The following ZDHHC5 variants were observed in gnomAD, a reference collection of about 807,000 sequenced individuals.
The protein encoded by ZDHHC5 is zDHHC palmitoyltransferase 5, also known as palmitoyltransferase ZDHHC5.
Under a neutral mutation model 70.0 loss-of-function variants are expected in ZDHHC5, and 22 were observed. The ratio of observed to expected loss-of-function variants is 0.31; its 90% confidence interval spans 0.22 to 0.45. The LOEUF (loss-of-function observed/expected upper bound fraction) is 0.45. Ranked by LOEUF, ZDHHC5 falls within the 20% of genes least tolerant of loss-of-function variation. ZDHHC5 has a pLI of 1.00. For synonymous variants in ZDHHC5, 313 were observed against 347.8 expected (o/e 0.90, Z 1.11); for missense variants, 746 against 926.9 (o/e 0.80, Z 2.53).
chr11:57,675,191 ACT>A (rs1188935897), intron 2 of ZDHHC5, among the ~76,000 whole-genome samples: 3 of 152,296 alleles, frequency 2.0e-5, no homozygotes, highest in African/African-American at 4.8e-5. Context: ...GACACCCTTA[ACT>A]CTGCTCAATT....
chr11:57,696,887 TAA>T lies in ZDHHC5; in HGVS notation c.1122+15_1122+16del. 1 of 1,612,298 alleles carries T rather than the reference TAA, an allele frequency of 6.2e-7. No homozygotes were observed. The highest frequency in any genetic ancestry group is 1.1e-5 in the South Asian group (1 of 91,000). ...TCCAGCGCCAAGGTACTGAGTACTC[TAA>T]GAGGTGGGGTAATAACATGCCAACT... On this transcript the variant is annotated intron_variant, in intron 10 of 11. Transcript: ENST00000287169.
intron 2 of ZDHHC5, chr11:57,681,473 T>C (rs1285174414): frequency 6.6e-6 from 1 of 152,188 alleles, no homozygotes; most frequent in East Asian, 1.9e-4. Context: ...CTCCCTGAGC[T>C]GAGACGAGAG....
chr11:57,692,790 A>G (rs1590868812), intron 7 of ZDHHC5, 88 bp downstream of exon 7: 10 of 1,353,938 alleles, frequency 7.4e-6, no homozygotes, highest in Non-Finnish European at 9.3e-6. Flanking sequence ...GGGTCTGGTG[A>G]GAGCCTTTAG....
At chr11:57,692,563 G>A (rs758542366) in intron 6 of ZDHHC5, 48 bp from the exon 7 acceptor site, 48 of 1,570,380 alleles carry the variant, frequency 3.1e-5, no homozygotes, top group Non-Finnish European at 4.1e-5. Context: ...TTGGCCTTTG[G>A]AAGTCAAGGT....
intron 11 of ZDHHC5, 57 bp from the exon 12 acceptor site, chr11:57,699,809 C>T: frequency 8.1e-6 from 13 of 1,605,404 alleles, no homozygotes; most frequent in Non-Finnish European, 1.1e-5. Flanking sequence ...AACTGTCTCC[C>T]TTTCCAATGT....
intron 3 of ZDHHC5, among the ~76,000 whole-genome samples, chr11:57,685,630 T>G (rs1175917979): frequency 1.3e-5 from 2 of 151,522 alleles, no homozygotes; most frequent in Admixed American, 6.6e-5. Context: ...GCCTGGGCGA[T>G]AAGAGCAAAA....
Position 57,690,178 on chromosome 11 carries a change from C to G in ZDHHC5, c.532C>G (p.Leu178Val), listed in dbSNP as rs749589147. The G allele has an allele frequency of 6.2e-7, 1 of 1,614,104 alleles. No individual in the cohort carries two copies. The highest frequency in any genetic ancestry group is 8.5e-7 in the Non-Finnish European group (1 of 1,180,032). ...TTATGTCCTCTACCACATAGAGGAACTCTCAGGGGTCCGCACGGCTGTCAC... is the reference window on the plus strand; with the variant it reads ...TTATGTCCTCTACCACATAGAGGAAGTCTCAGGGGTCCGCACGGCTGTCAC... ...LLYVLYHIEE[L>V]SGVRTAVTMA... Residue 178 changes from leucine (L) to valine (V), a missense_variant, in exon 5 of 12, where the codon CTC becomes GTC. This residue lies in a region of ZDHHC5 where 114 missense variants were observed against 179.3 expected (regional missense o/e 0.64). Transcript: ENST00000287169.
chr11:57,687,756 G>GTTTTTTTTTTTTTTTTTT (rs746146074), intron 3 of ZDHHC5, among the ~76,000 whole-genome samples: 1 of 75,274 alleles, frequency 1.3e-5, no homozygotes, highest in African/African-American at 5.2e-5. Context: ...TTTTGGGAAA[G>GTTTTTTTTTTTTTTTTTT]TTTTTTTTTT....
chr11:57,668,173 G>A lies in ZDHHC5; in HGVS notation c.-1085G>A. The A allele has an allele frequency of 5.4e-6, 2 of 367,472 alleles. No homozygotes were observed. Among genetic ancestry groups the A allele is most frequent in the Non-Finnish European group, 9.7e-6 (2 of 206,266 alleles). 22.8% of individuals were successfully genotyped at this position (367,472 alleles called of 1,614,324 possible). A position where few individuals can be genotyped will look rare whatever the true frequency, so the allele number is the denominator to read the frequency against. On this transcript the variant is annotated 5_prime_UTR_variant, in exon 1 of 12. Coordinates refer to ENST00000287169, the MANE Select transcript of ZDHHC5 (RefSeq NM_015457.3). The stretch of plus-strand genomic sequence containing the variant: ...GTGACAACGACGGCGGTGGTGACGG[G>A]CACCGGGCTCGCGGGTGAGTGCGGA...
intron 2 of ZDHHC5, among the ~76,000 whole-genome samples, chr11:57,675,261 C>G (rs1420054550): frequency 6.6e-6 from 1 of 152,170 alleles, no homozygotes; most frequent in African/African-American, 2.4e-5. Context: ...ATTGAGGGGA[C>G]TAAATGATTT....
chr11:57,677,389 C>T lies in ZDHHC5; in HGVS notation c.104+4195C>T, dbSNP rs550649068. Among the ~76,000 whole-genome samples, 6 of 149,204 alleles carry T rather than the reference C, an allele frequency of 4.0e-5. No individual in the cohort carries two copies. The East Asian group carries it at 9.9e-4, about 25-fold the overall frequency. On this transcript the variant is annotated intron_variant, in intron 2 of 11. Coordinates refer to ENST00000287169, the MANE Select transcript of ZDHHC5 (RefSeq NM_015457.3). ...GCAACCTCTGCCTCCTGGGTTCAAG[C>T]GATTCTCCTGCCTCAACCTCCTGAG...
chr11:57,668,322 T>G (rs1269527915), intron 1 of ZDHHC5, 135 bp downstream of exon 1: 1 of 225,238 alleles, frequency 4.4e-6, no homozygotes, highest in African/African-American at 2.3e-5. Flanking sequence ...CCGGGCCGGG[T>G]CTTCCAACCG....
chr11:57,693,855 T>C lies in ZDHHC5; in HGVS notation c.825T>C (p.Asp275=), dbSNP rs755189183. The change falls in exon 8 of 12, where the codon GAT becomes GAC. Residue 275 remains aspartate, a synonymous_variant. Coordinates refer to ENST00000287169, the MANE Select transcript of ZDHHC5 (RefSeq NM_015457.3). Reference sequence around the variant, plus strand: ...CCTTCCTTCGACCAGAAGTTTCAGATGGGCAGATAACTGTGAAGATCATGG... The same window carrying C: ...CCTTCCTTCGACCAGAAGTTTCAGACGGGCAGATAACTGTGAAGATCATGG... The part of the protein sequence containing the change: ...RPPFLRPEVS[D]GQITVKIMDN... 3.7e-5 allele frequency: 59 copies of C among 1,612,472 alleles called. No homozygotes were observed. Among genetic ancestry groups the C allele is most frequent in the Non-Finnish European group, 4.7e-5 (56 of 1,179,278 alleles).
At chr11:57,696,722 G>A in intron 9 of ZDHHC5, 39 bp from the exon 10 acceptor site, 5 of 1,590,916 alleles carry the variant, frequency 3.1e-6, no homozygotes, top group African/African-American at 1.3e-5. Context: ...CCAAAAAACC[G>A]CTTGTAAAAT....
At chr11:57,698,527 G>GCA (rs1565199409) in intron 10 of ZDHHC5, 32 bp from the exon 11 acceptor site, 1 of 1,552,492 alleles carries the variant, frequency 6.4e-7, no homozygotes, top group Non-Finnish European at 8.7e-7. Flanking sequence ...CACAAAAGGA[G>GCA]CACTAAGAGC....
intron 8 of ZDHHC5, 47 bp downstream of exon 8, chr11:57,693,962 C>T: frequency 6.4e-7 from 1 of 1,560,578 alleles, no homozygotes; most frequent in South Asian, 1.2e-5. Flanking sequence ...AAGTCTCACC[C>T]AAGGCAAAGA....
Position 57,673,013 on chromosome 11 carries a change from C to A in ZDHHC5, c.-78C>A. On this transcript the variant is annotated 5_prime_UTR_variant, in exon 2 of 12. Coordinates refer to ENST00000287169, the MANE Select transcript of ZDHHC5 (RefSeq NM_015457.3). ...TGTACTCCTCTCTGTTGCTTCCCTC[C>A]TCCCATTTTCTTGTCTGTTCTGCCG... 7.3e-7 allele frequency: 1 copy of A among 1,371,016 alleles called. No homozygotes were observed. Among genetic ancestry groups the A allele is most frequent in the Non-Finnish European group, 1.0e-6 (1 of 964,468 alleles). The allele number at this position is 1,371,016 out of a possible 1,614,324, so 84.9% of individuals were successfully genotyped here.
intron 3 of ZDHHC5, among the ~76,000 whole-genome samples, chr11:57,684,829 A>G (rs1451068449): frequency 1.3e-5 from 2 of 152,014 alleles, no homozygotes. Context: ...CGGGCTGGCA[A>G]CTCTGCTGAG....
chr11:57,673,174 G>T lies in ZDHHC5; in HGVS notation c.84G>T (p.Thr28=). Residue 28 remains threonine, a synonymous_variant, in exon 2 of 12, where the codon ACG becomes ACT. Transcript: ENST00000287169. ...SAAAIFLVGA[T]TLFFAFTCPG... Reference sequence around the variant, plus strand: ...CCGCCATCTTCCTAGTGGGAGCTACGACACTCTTCTTTGCCTTTACGTGAG... The same window carrying T: ...CCGCCATCTTCCTAGTGGGAGCTACTACACTCTTCTTTGCCTTTACGTGAG... The T allele has an allele frequency of 6.2e-7, 1 of 1,613,858 alleles. No individual in the cohort carries two copies. The highest frequency in any genetic ancestry group is 1.1e-5 in the South Asian group (1 of 91,038).
Sources: allele counts gnomAD v4.1 joint callset (sites outside exome capture counted in the v4.1 genomes callset), GRCh38; gene constraint gnomAD v4.1.1; regional missense constraint gnomAD v4.1.1; transcripts MANE v1.5; gene names NCBI Gene and HGNC (gene_info 2026-07-23, HGNC 2026-07-21).